DENND1A: variants seen among roughly 807,000 people sequenced by gnomAD.
DENND1A encodes DENN domain-containing protein 1A.
A neutral mutation model predicts 113.7 loss-of-function variants in DENND1A; 51 were observed. That is an observed-to-expected ratio of 0.45 (90% CI 0.36 to 0.57). The LOEUF is 0.57. Ranked by LOEUF, DENND1A falls within the 20% of genes least tolerant of loss-of-function variation. The pLI is 0.00. For missense variants in DENND1A, 1,258 were observed against 1,395.9 expected (o/e 0.90, Z 1.57); for synonymous variants, 565 against 570.8 (o/e 0.99, Z 0.14).
In DENND1A at chr9:123,819,318, T is replaced by G. The variant is rs148241010; in HGVS notation, c.89-26688A>C. 9.9e-5 allele frequency among the ~76,000 whole-genome samples: 15 copies of G among 152,252 alleles called. No individual in the cohort carries two copies. In the East Asian group the frequency reaches 2.9e-3, roughly 29 times the overall value. On this transcript the variant is annotated intron_variant, in intron 2 of 23. Transcript: ENST00000394215. ...TAACAGAGTCAAATGTTTGGCTGAA[T>G]CCCTCACAAATCGGAATTCTTGCTA...
intron 2 of DENND1A, 120 bp downstream of exon 2, chr9:123,878,831 A>G: frequency 4.4e-6 from 4 of 904,026 alleles, no homozygotes; most frequent in South Asian, 1.7e-5. Flanking sequence ...AAAAGGAAAA[A>G]GGCACTTAAA....
chr9:123,440,450 C>T lies in DENND1A; in HGVS notation c.1398G>A (p.Gln466=). Residue 466 remains glutamine (Q), a synonymous_variant, in exon 19 of 24, where the codon CAG becomes CAA. Transcript: ENST00000394215. ...GTGGGGACGGTGCAGTCTTTGGCAGCTGCTCTTCTGGGGTGGGGGCGCAGC... is the reference window on the plus strand; with the variant it reads ...GTGGGGACGGTGCAGTCTTTGGCAGTTGCTCTTCTGGGGTGGGGGCGCAGC... ...ENGCAPTPEE[Q]LPKTAPSPLV... is the part of the protein sequence containing the mutation. The T allele has an allele frequency of 6.4e-7, 1 of 1,571,958 alleles. No individual in the cohort carries two copies. Among genetic ancestry groups the T allele is most frequent in the Non-Finnish European group, 8.6e-7 (1 of 1,166,782 alleles).
At chr9:123,615,366 C>A (rs78890196) in intron 10 of DENND1A, among the ~76,000 whole-genome samples, 8,891 of 152,326 alleles carry the variant, frequency 0.058, 289 homozygotes, top group African/African-American at 0.076. Flanking sequence ...ATACGGGGAT[C>A]AAGCAAGCTT....
At chr9:123,592,026 C>T (rs2059482293) in intron 11 of DENND1A, among the ~76,000 whole-genome samples, 1 of 152,138 alleles carries the variant, frequency 6.6e-6, no homozygotes, top group Non-Finnish European at 1.5e-5. Flanking sequence ...TACTTCTGAG[C>T]CTCAGTGTTC....
At chr9:123,851,287 A>G (rs983836019) in intron 2 of DENND1A, among the ~76,000 whole-genome samples, 1 of 152,018 alleles carries the variant, frequency 6.6e-6, no homozygotes, top group Non-Finnish European at 1.5e-5. Context: ...GAAAGTATGT[A>G]CTCTTTTTGT....
chr9:123,425,307 C>T (rs1201737560), intron 19 of DENND1A, among the ~76,000 whole-genome samples: 2 of 152,172 alleles, frequency 1.3e-5, no homozygotes, highest in Non-Finnish European at 2.9e-5. Context: ...TGAGCAGCTC[C>T]GACACAGACC....
chr9:123,614,775 T>A (rs2060570884), intron 10 of DENND1A, among the ~76,000 whole-genome samples: 1 of 152,142 alleles, frequency 6.6e-6, no homozygotes, highest in African/African-American at 2.4e-5. Context: ...AATATACACA[T>A]CACAGTGTCA....
intron 4 of DENND1A, among the ~76,000 whole-genome samples, chr9:123,763,949 A>G (rs557044744): frequency 6.6e-6 from 1 of 152,284 alleles, no homozygotes; most frequent in Non-Finnish European, 1.5e-5. Context: ...AAAGCAACTG[A>G]GTGGTGGTTA....
intron 20 of DENND1A, among the ~76,000 whole-genome samples, chr9:123,407,174 G>A (rs1306196008): frequency 1.5e-5 from 2 of 136,140 alleles, no homozygotes; most frequent in Non-Finnish European, 3.2e-5. Flanking sequence ...GGGCGGGGGG[G>A]TGGGGAGCAC....
At chr9:123,495,985 C>T (rs1192660213) in intron 13 of DENND1A, among the ~76,000 whole-genome samples, 6 of 152,190 alleles carry the variant, frequency 3.9e-5, no homozygotes, top group Non-Finnish European at 8.8e-5. Flanking sequence ...TCTGTAATTG[C>T]GTTAAGCAGA....
At chr9:123,584,324 C>T (rs2059061276) in intron 11 of DENND1A, among the ~76,000 whole-genome samples, 1 of 152,206 alleles carries the variant, frequency 6.6e-6, no homozygotes, top group Non-Finnish European at 1.5e-5. Context: ...GGATCAATTC[C>T]ATTACTGGTC....
At chr9:123,867,364 T>C (rs1192527436) in intron 2 of DENND1A, among the ~76,000 whole-genome samples, 1 of 152,126 alleles carries the variant, frequency 6.6e-6, no homozygotes, top group Non-Finnish European at 1.5e-5. Context: ...ACTCAAAGAA[T>C]AGGTGATTAA....
chr9:123,888,339 A>C (rs1049082434), intron 1 of DENND1A, among the ~76,000 whole-genome samples: 4 of 152,216 alleles, frequency 2.6e-5, no homozygotes, highest in African/African-American at 9.6e-5. Flanking sequence ...ATAAAACAAG[A>C]AGCCATGAGT....
chr9:123,538,318 T>G (rs2055952130), intron 13 of DENND1A, among the ~76,000 whole-genome samples: 1 of 152,160 alleles, frequency 6.6e-6, no homozygotes, highest in Admixed American at 6.5e-5. Flanking sequence ...GACAAGAGAT[T>G]TACGTACATA....
chr9:123,519,010 T>C (rs1428945152), intron 13 of DENND1A, among the ~76,000 whole-genome samples: 4 of 152,204 alleles, frequency 2.6e-5, no homozygotes, highest in Non-Finnish European at 5.9e-5. Context: ...TCACCTTGCT[T>C]GCTACATCCT....
At chr9:123,761,208 C>G in intron 4 of DENND1A, among the ~76,000 whole-genome samples, 1 of 152,174 alleles carries the variant, frequency 6.6e-6, no homozygotes, top group Non-Finnish European at 1.5e-5. Context: ...TGGTTCAAAT[C>G]CCAACTCAAT....
At chr9:123,447,555 C>T (rs1044815770) in intron 18 of DENND1A, among the ~76,000 whole-genome samples, 1 of 152,064 alleles carries the variant, frequency 6.6e-6, no homozygotes, top group African/African-American at 2.4e-5. Context: ...AAACCCAAGG[C>T]GAGGGTGAAG....
intron 23 of DENND1A, 21 bp from the exon 24 acceptor site, chr9:123,382,646 C>A (rs771504403): frequency 6.1e-5 from 99 of 1,612,578 alleles, no homozygotes; most frequent in Non-Finnish European, 6.2e-5. Flanking sequence ...GGAAGGAGGG[C>A]GGCAGTGACC....
chr9:123,650,567 A>G (rs1277942739), intron 9 of DENND1A, among the ~76,000 whole-genome samples: 1 of 152,166 alleles, frequency 6.6e-6, no homozygotes, highest in Non-Finnish European at 1.5e-5. Context: ...AACTCAGCAA[A>G]CAGATATTGA....
Sources: allele counts gnomAD v4.1 joint callset (sites outside exome capture counted in the v4.1 genomes callset), GRCh38; gene constraint gnomAD v4.1.1; transcripts MANE v1.5; gene names NCBI Gene and HGNC (gene_info 2026-07-23, HGNC 2026-07-21).